The following STRBP variants were observed in gnomAD, a reference collection of about 807,000 sequenced individuals.
STRBP encodes the protein spermatid perinuclear RNA binding protein, also known as spermatid perinuclear RNA-binding protein.
Under a neutral mutation model 80.1 loss-of-function variants are expected in STRBP, and 13 were observed. That is an observed-to-expected ratio of 0.16 (90% CI 0.11 to 0.26). STRBP has a LOEUF of 0.26. STRBP is among the 10% of genes least tolerant of loss of function. STRBP has a pLI of 1.00. For synonymous variants in STRBP, 284 were observed against 291.2 expected (o/e 0.98, Z 0.25); for missense variants, 485 against 815.2 (o/e 0.59, Z 4.93).
intron 6 of STRBP, among the ~76,000 whole-genome samples, chr9:123,168,572 G>A (rs912988673): frequency 6.6e-6 from 1 of 152,138 alleles, no homozygotes; most frequent in African/African-American, 2.4e-5. Flanking sequence ...TCACCAAGTT[G>A]AAATAAACTA....
chr9:123,146,309 G>A (rs2036811840), intron 13 of STRBP, among the ~76,000 whole-genome samples: 1 of 151,502 alleles, frequency 6.6e-6, no homozygotes, highest in Non-Finnish European at 1.5e-5. Context: ...TACAGACAAA[G>A]CACCATATAC....
chr9:123,255,816 T>C (rs541468826), intron 1 of STRBP, among the ~76,000 whole-genome samples: 32 of 152,214 alleles, frequency 2.1e-4, no homozygotes, highest in African/African-American at 7.2e-4. Flanking sequence ...CACCTGTATA[T>C]AACCATCACA....
chr9:123,174,186 A>G (rs960584314), intron 4 of STRBP, among the ~76,000 whole-genome samples: 3 of 152,214 alleles, frequency 2.0e-5, no homozygotes, highest in Non-Finnish European at 4.4e-5. Context: ...CTGTAATCCC[A>G]ACACTTTGGG....
intron 1 of STRBP, among the ~76,000 whole-genome samples, chr9:123,258,757 G>T (rs912202396): frequency 3.3e-5 from 5 of 150,532 alleles, no homozygotes; most frequent in Non-Finnish European, 7.4e-5. Flanking sequence ...GCCAAGATCG[G>T]GCCACTGCAC....
downstream of STRBP, among the ~76,000 whole-genome samples, chr9:123,117,364 C>T (rs191796217): frequency 5.3e-5 from 8 of 152,306 alleles, no homozygotes; most frequent in East Asian, 9.6e-4. Flanking sequence ...CACCCACCCA[C>T]GCCTGAGCAG....
chr9:123,255,663 G>A (rs548352575), intron 1 of STRBP, among the ~76,000 whole-genome samples: 1 of 152,270 alleles, frequency 6.6e-6, no homozygotes, highest in African/African-American at 2.4e-5. Context: ...CAATTATCTA[G>A]ATTCTGATGC....
chr9:123,202,036 A>G (rs2039345223), intron 2 of STRBP, among the ~76,000 whole-genome samples: 1 of 152,316 alleles, frequency 6.6e-6, no homozygotes, highest in South Asian at 2.1e-4. Flanking sequence ...TGTTTTGTCT[A>G]AGAATAGCTA....
Position 123,147,793 on chromosome 9 carries a change from G to A in STRBP, c.1123C>T (p.Arg375Ter). ...DDKDPNKKMK[R>*]NLRKILDSKA... is the part of the protein sequence containing the mutation. The stretch of plus-strand genomic sequence containing the variant: ...TTTTACACACTTTTCCTTAAGTTTC[G>A]TTTCATCTTCTTGTTGGGGTCTTTA... Residue 375 changes from arginine (R) to a stop codon, truncating the protein, a stop_gained, in exon 12 of 19, where the codon CGA becomes TGA. Coordinates refer to ENST00000348403, the MANE Select transcript of STRBP (RefSeq NM_018387.5). LOFTEE classifies it high-confidence loss of function. 6.2e-7 allele frequency: 1 copy of A among 1,607,278 alleles called. No individual in the cohort carries two copies.
intron 2 of STRBP, among the ~76,000 whole-genome samples, chr9:123,185,830 T>C (rs1010538792): frequency 5.9e-5 from 9 of 152,092 alleles, no homozygotes; most frequent in Non-Finnish European, 1.3e-4. Context: ...CTGGCTAACA[T>C]GGTGAAACTA....
At chr9:123,252,649 T>C (rs2040941048) in intron 1 of STRBP, among the ~76,000 whole-genome samples, 1 of 152,252 alleles carries the variant, frequency 6.6e-6, no homozygotes, top group African/African-American at 2.4e-5. Context: ...CAAAAATCTA[T>C]ACTTCTTTGG....
chr9:123,177,391 C>G (rs2038267035), intron 4 of STRBP, among the ~76,000 whole-genome samples: 1 of 152,086 alleles, frequency 6.6e-6, no homozygotes, highest in African/African-American at 2.4e-5. Flanking sequence ...CAGCAAGACT[C>G]TGTCTCTCCA....
chr9:123,204,183 A>G (rs2039430389), intron 2 of STRBP, among the ~76,000 whole-genome samples: 8 of 152,232 alleles, frequency 5.3e-5, no homozygotes, highest in Admixed American at 5.2e-4. Context: ...ATACAGGATC[A>G]CATTCAATGC....
intron 17 of STRBP, among the ~76,000 whole-genome samples, chr9:123,130,773 A>G (rs539809076): frequency 1.1e-4 from 16 of 152,204 alleles, no homozygotes; most frequent in South Asian, 6.2e-4. Context: ...TTTTCCCCCA[A>G]TGCTCCAGCT....
Position 123,190,378 on chromosome 9 carries a change from T to C in STRBP, c.-164-6080A>G, listed in dbSNP as rs569305715. Among the ~76,000 whole-genome samples the C allele has an allele frequency of 5.3e-5, 8 of 152,164 alleles. No individual in the cohort carries two copies. In the South Asian group the frequency reaches 1.7e-3, roughly 32 times the overall value. On this transcript the variant is annotated intron_variant, in intron 2 of 18. Transcript: ENST00000348403. The stretch of plus-strand genomic sequence containing the variant: ...AAATCCCTTCAAATAAATTCAACTT[T>C]CTCTACATGGTGGCATTATTTCTAT...
intron 11 of STRBP, among the ~76,000 whole-genome samples, chr9:123,149,371 G>A (rs556796936): frequency 1.2e-4 from 18 of 152,288 alleles, no homozygotes; most frequent in African/African-American, 3.8e-4. Context: ...CAGTCTTTAA[G>A]AGATAAAAGT....
chr9:123,235,584 CAAAAAAAAAAAA>C (rs71390421), intron 2 of STRBP, among the ~76,000 whole-genome samples: 14 of 36,530 alleles, frequency 3.8e-4, no homozygotes, highest in South Asian at 1.6e-3. Context: ...ACAAGTTCAG[CAAAAAAAAAAAA>C]AAAAAAAAAA....
chr9:123,247,700 T>C (rs920378412), intron 1 of STRBP, among the ~76,000 whole-genome samples: 4 of 152,198 alleles, frequency 2.6e-5, no homozygotes, highest in African/African-American at 9.7e-5. Context: ...AAAGATGCAA[T>C]GTGTGTAAAA....
chr9:123,139,512 GA>G lies in STRBP; in HGVS notation c.1497+16del, dbSNP rs775488828. The G allele has an allele frequency of 7.8e-6, 12 of 1,541,366 alleles. No homozygotes were observed. Among genetic ancestry groups the G allele is most frequent in the Non-Finnish European group, 1.0e-5 (12 of 1,150,814 alleles). ...CACATATATGTTATTTTTTTTCTGA[GA>G]AAAAAATAAGTATACCTCTAAGGTA... is the stretch of plus-strand genomic sequence containing the variant. On this transcript the variant is annotated intron_variant, in intron 14 of 18. Coordinates refer to ENST00000348403, the MANE Select transcript of STRBP (RefSeq NM_018387.5).
downstream of STRBP, among the ~76,000 whole-genome samples, chr9:123,117,061 A>G (rs1185008259): frequency 1.3e-5 from 2 of 152,174 alleles, no homozygotes; most frequent in African/African-American, 4.8e-5. Flanking sequence ...CAAGGTGGGA[A>G]CAACGATCTA....
Sources: gnomAD v4.1 joint callset for allele counts (sites outside exome capture counted in the v4.1 genomes callset) on GRCh38, gnomAD v4.1.1 for gene constraint, MANE v1.5 for transcripts, NCBI Gene and HGNC (gene_info 2026-07-23, HGNC 2026-07-21) for gene names.